The following LMBR1 variants were observed in gnomAD, a reference collection of about 807,000 sequenced individuals.
The protein encoded by LMBR1 is limb region 1 protein homolog.
In LMBR1, 52 loss-of-function variants were observed where a neutral mutation model predicts 73.9. That is an observed-to-expected ratio of 0.70 (90% CI 0.56 to 0.89). The LOEUF is 0.89. LMBR1 is among the 40% of genes least tolerant of loss of function. LMBR1 has a pLI of 0.00. For synonymous variants in LMBR1, 215 were observed against 209.4 expected (o/e 1.03, Z -0.23); for missense variants, 539 against 579.8 (o/e 0.93, Z 0.72).
chr7:156,840,739 C>A (rs1285325674), intron 1 of LMBR1, among the ~76,000 whole-genome samples: 3 of 151,252 alleles, frequency 2.0e-5, no homozygotes, highest in African/African-American at 7.3e-5. Flanking sequence ...GCGGGTGGAT[C>A]ACGAGGTCAG....
chr7:156,846,908 C>T (rs1334824553), intron 1 of LMBR1, among the ~76,000 whole-genome samples: 1 of 152,088 alleles, frequency 6.6e-6, no homozygotes, highest in Non-Finnish European at 1.5e-5. Flanking sequence ...TTGATCATTA[C>T]ACAATGTACA....
intron 1 of LMBR1, among the ~76,000 whole-genome samples, chr7:156,865,143 C>CA (rs1314702781): frequency 6.6e-6 from 1 of 151,800 alleles, no homozygotes; most frequent in Non-Finnish European, 1.5e-5. Context: ...GCCAGCTCTA[C>CA]AAAAAATATA....
chr7:156,689,052 C>T (rs115552439), intron 15 of LMBR1, among the ~76,000 whole-genome samples: 483 of 152,098 alleles, frequency 3.2e-3, no homozygotes, highest in African/African-American at 0.011. Context: ...CTTAAATTCA[C>T]CTATACACAT....
At position 156,681,221 on chromosome 7, in the gene LMBR1, G is replaced by A. The variant is rs1479167305; in HGVS notation, c.*2857C>T. On this transcript the variant is annotated 3_prime_UTR_variant, in exon 17 of 17. Coordinates refer to ENST00000353442, the MANE Select transcript of LMBR1 (RefSeq NM_022458.4). ...AGGTCATCACTGAGGCTGCAGGGAG[G>A]GCCATGGGCACCCAGCAGATGGGGA... 1 of 446,184 alleles carries A rather than the reference G, an allele frequency of 2.2e-6. No individual in the cohort carries two copies. The highest frequency in any genetic ancestry group is 2.6e-5 in the Admixed American group (1 of 38,858). 27.6% of individuals were successfully genotyped at this position (446,184 alleles called of 1,614,324 possible).
intron 4 of LMBR1, among the ~76,000 whole-genome samples, chr7:156,821,263 G>A (rs568263171): frequency 1.3e-4 from 20 of 152,298 alleles, no homozygotes; most frequent in African/African-American, 4.6e-4. Flanking sequence ...CTCCCGCTAC[G>A]CTGCCTTCTC....
intron 5 of LMBR1, among the ~76,000 whole-genome samples, chr7:156,783,814 G>A (rs560356869): frequency 6.6e-6 from 1 of 152,284 alleles, no homozygotes; most frequent in South Asian, 2.1e-4. Flanking sequence ...TAACAGGAAA[G>A]AAAGAAGACA....
intron 15 of LMBR1, among the ~76,000 whole-genome samples, chr7:156,697,541 C>A (rs560113013): frequency 1.3e-5 from 2 of 152,148 alleles, no homozygotes; most frequent in African/African-American, 2.4e-5. Flanking sequence ...GACCTCCCCC[C>A]AGGAATGCAT....
intron 1 of LMBR1, among the ~76,000 whole-genome samples, chr7:156,892,020 A>C (rs1803088847): frequency 6.6e-6 from 1 of 152,260 alleles, no homozygotes; most frequent in African/African-American, 2.4e-5. Context: ...GACATATTTT[A>C]CAACAGTTAT....
chr7:156,721,137 A>G (rs1002555109), intron 15 of LMBR1, among the ~76,000 whole-genome samples: 1 of 152,140 alleles, frequency 6.6e-6, no homozygotes, highest in Non-Finnish European at 1.5e-5. Context: ...CCATAAGTAC[A>G]TTAAAAACAA....
intron 1 of LMBR1, among the ~76,000 whole-genome samples, chr7:156,854,434 A>G (rs376911156): frequency 1.3e-5 from 2 of 152,344 alleles, no homozygotes; most frequent in South Asian, 2.1e-4. Context: ...GGAAACTGTT[A>G]ATTAAAAAAT....
chr7:156,883,540 C>T (rs1195439139), intron 1 of LMBR1, among the ~76,000 whole-genome samples: 1 of 152,176 alleles, frequency 6.6e-6, no homozygotes, highest in East Asian at 1.9e-4. Flanking sequence ...TCAAAGCCTC[C>T]TGATGAAGGA....
At chr7:156,770,911 C>T (rs1451954781) in intron 5 of LMBR1, among the ~76,000 whole-genome samples, 2 of 151,648 alleles carry the variant, frequency 1.3e-5, no homozygotes, top group East Asian at 3.9e-4. Flanking sequence ...GAAATCCTGT[C>T]TCAGAAACAA....
At chr7:156,855,677 A>G (rs2134129805) in intron 1 of LMBR1, among the ~76,000 whole-genome samples, 1 of 151,352 alleles carries the variant, frequency 6.6e-6, no homozygotes, top group East Asian at 1.9e-4. Context: ...AAAAAAAAAA[A>G]AAAAAAAAAA....
chr7:156,676,139 G>A, downstream of LMBR1: 3 of 971,288 alleles, frequency 3.1e-6, no homozygotes, highest in Non-Finnish European at 4.4e-6. Context: ...TGACGGCAAA[G>A]GTCCCTTCAG....
chr7:156,749,532 A>G (rs978756151), intron 9 of LMBR1, among the ~76,000 whole-genome samples: 1 of 152,226 alleles, frequency 6.6e-6, no homozygotes, highest in Admixed American at 6.5e-5. Context: ...CACAAATTCT[A>G]CAAAAAGCTT....
chr7:156,883,337 T>C (rs1329264758), intron 1 of LMBR1, among the ~76,000 whole-genome samples: 2 of 151,770 alleles, frequency 1.3e-5, no homozygotes, highest in Non-Finnish European at 2.9e-5. Flanking sequence ...AGGCGGAGGC[T>C]GCAGTGAGCC....
intron 15 of LMBR1, among the ~76,000 whole-genome samples, chr7:156,702,875 G>C (rs1810095003): frequency 6.6e-6 from 1 of 152,226 alleles, no homozygotes; most frequent in Non-Finnish European, 1.5e-5. Flanking sequence ...CTTTCAGTAG[G>C]TAAATGGATA....
chr7:156,770,217 C>G (rs531610938), intron 5 of LMBR1, among the ~76,000 whole-genome samples: 5 of 152,026 alleles, frequency 3.3e-5, no homozygotes, highest in African/African-American at 4.8e-5. Flanking sequence ...TGAGATCTCA[C>G]TATGTTTCCC....
intron 4 of LMBR1, among the ~76,000 whole-genome samples, chr7:156,815,430 T>C (rs1039183810): frequency 6.6e-6 from 1 of 152,140 alleles, no homozygotes; most frequent in Non-Finnish European, 1.5e-5. Context: ...TAATTAACAA[T>C]ATCAATGTAG....
Sources: allele counts gnomAD v4.1 joint callset (sites outside exome capture counted in the v4.1 genomes callset), GRCh38; gene constraint gnomAD v4.1.1; transcripts MANE v1.5; gene names NCBI Gene and HGNC (gene_info 2026-07-23, HGNC 2026-07-21).